Variants in CHRDL1 observed in about 807,000 individuals in gnomAD.
The protein encoded by CHRDL1 is chordin-like protein 1.
In CHRDL1, 19 loss-of-function variants were observed where a neutral mutation model predicts 40.9. The ratio of observed to expected loss-of-function variants is 0.46; its 90% CI spans 0.32 to 0.68. The LOEUF (loss-of-function observed/expected upper bound fraction) is 0.68, where lower values mean the gene tolerates loss of function less well. CHRDL1 is among the 30% of genes least tolerant of loss of function. The probability of loss-of-function intolerance (pLI) is 0.03; values close to 1 mark genes in which losing one functional copy is unlikely to be tolerated. For missense variants in CHRDL1, 329 were observed against 352.1 expected (o/e 0.93, Z 0.53); for synonymous variants, 136 against 123.4 (o/e 1.10, Z -0.68).
intron 4 of CHRDL1, among the ~76,000 whole-genome samples, chrX:110,746,467 T>C (rs1318814849): frequency 8.9e-6 from 1 of 111,895 alleles, no homozygotes; most frequent in African/African-American, 3.3e-5. Flanking sequence ...CACTACCTTA[T>C]GTTTCTGTTA....
At position 110,694,244 on chromosome X, in the gene CHRDL1, G is replaced by A. The variant is rs765757313; in HGVS notation, c.697C>T (p.Arg233Trp). ...LSRFPGARSH[R>W]GALMDSQQAS... is the part of the protein sequence containing the mutation. ...TGCTGGGAATCCATAAGAGCTCCCC[G>A]GTGACTTCTGGCCCCAGGAAAGCGG... Residue 233 changes from arginine to tryptophan, a missense_variant, in exon 8 of 12, where the codon CGG becomes TGG. Arg to Trp is a moderately radical substitution (Grantham distance 101, BLOSUM62 -3). Coordinates refer to ENST00000372042, the MANE Select transcript of CHRDL1 (RefSeq NM_001143981.2). 1.2e-5 allele frequency: 14 copies of A among 1,206,674 alleles called. No individual in the cohort carries two copies. In the South Asian group the frequency reaches 1.6e-4, roughly 14 times the overall value.
chrX:110,677,229 T>C (rs1360906535), intron 11 of CHRDL1, among the ~76,000 whole-genome samples: 2 of 111,180 alleles, frequency 1.8e-5, no homozygotes, highest in Non-Finnish European at 3.8e-5. Context: ...TCTGCTCCTT[T>C]CTCCCTTGGA....
intron 1 of CHRDL1, among the ~76,000 whole-genome samples, chrX:110,793,583 G>GA (rs1163621635): frequency 1.8e-5 from 2 of 111,654 alleles, no homozygotes; most frequent in Non-Finnish European, 3.8e-5. Context: ...ACGTTTATTC[G>GA]AAACAAATCA....
Position 110,697,521 on chromosome X carries a change from A to G in CHRDL1, c.609+3133T>C, listed in dbSNP as rs924484811. On this transcript the variant is annotated intron_variant, in intron 7 of 11. Coordinates refer to ENST00000372042, the MANE Select transcript of CHRDL1 (RefSeq NM_001143981.2). ...ATATATTCTAATCCATACAGCCATT[A>G]AAACATTGTATCTTAATCACTACCA... Among the ~76,000 whole-genome samples the G allele has an allele frequency of 5.4e-5, 6 of 110,869 alleles. No individual in the cohort carries two copies. In the East Asian group the frequency reaches 1.7e-3, roughly 31 times the overall value.
At chrX:110,689,464 A>ATC (rs2070121758) in intron 8 of CHRDL1, among the ~76,000 whole-genome samples, 1 of 52,287 alleles carries the variant, frequency 1.9e-5, no homozygotes, top group African/African-American at 2.6e-4. Flanking sequence ...ATATCTATAT[A>ATC]TATCTATATA....
At chrX:110,691,307 A>T (rs753900634) in intron 8 of CHRDL1, among the ~76,000 whole-genome samples, 2 of 107,465 alleles carry the variant, frequency 1.9e-5, no homozygotes, top group Non-Finnish European at 1.9e-5. Context: ...TTTCTATGCA[A>T]ATCAACACCA....
chrX:110,770,621 A>G (rs956979746), intron 2 of CHRDL1, among the ~76,000 whole-genome samples: 1 of 111,633 alleles, frequency 9.0e-6, no homozygotes, highest in African/African-American at 3.3e-5. Flanking sequence ...AATAAAATTG[A>G]TAAACCCCTA....
intron 6 of CHRDL1, among the ~76,000 whole-genome samples, chrX:110,705,090 T>C (rs986173201): frequency 3.8e-4 from 41 of 108,595 alleles, no homozygotes; most frequent in South Asian, 8.1e-4. Flanking sequence ...TAGAAGCACA[T>C]AGCGCCTCTT....
At chrX:110,680,964 T>C (rs762137215) in intron 10 of CHRDL1, among the ~76,000 whole-genome samples, 3 of 112,196 alleles carry the variant, frequency 2.7e-5, no homozygotes, top group African/African-American at 3.2e-5. Context: ...CATCGTGATA[T>C]TAGGGACTTA....
intron 2 of CHRDL1, among the ~76,000 whole-genome samples, chrX:110,778,196 A>G (rs2148526987): frequency 8.9e-6 from 1 of 111,966 alleles, no homozygotes; most frequent in African/African-American, 3.2e-5. Flanking sequence ...AGGAACTGGC[A>G]AAGATTTCAT....
chrX:110,753,385 CAG>C (rs2089395932), intron 4 of CHRDL1, among the ~76,000 whole-genome samples: 1 of 111,568 alleles, frequency 9.0e-6, no homozygotes, highest in Admixed American at 9.5e-5. Flanking sequence ...TCATGGTTAC[CAG>C]GGGCTAGGGG....
At chrX:110,756,475 T>C (rs2089454210) in intron 4 of CHRDL1, among the ~76,000 whole-genome samples, 1 of 110,544 alleles carries the variant, frequency 9.0e-6, no homozygotes, top group African/African-American at 3.3e-5. Context: ...AAAACACTGA[T>C]TGTCCAAGTT....
intron 4 of CHRDL1, among the ~76,000 whole-genome samples, chrX:110,746,825 T>A (rs1366360900): frequency 8.9e-6 from 1 of 111,852 alleles, no homozygotes; most frequent in African/African-American, 3.3e-5. Context: ...TCATTGCTGA[T>A]CACTGCCTTG....
At chrX:110,692,397 T>C (rs1033073771) in intron 8 of CHRDL1, among the ~76,000 whole-genome samples, 2 of 111,724 alleles carry the variant, frequency 1.8e-5, no homozygotes, top group African/African-American at 6.5e-5. Flanking sequence ...AACTGTTGCA[T>C]CCAAATCAGT....
intron 2 of CHRDL1, among the ~76,000 whole-genome samples, chrX:110,787,743 A>G (rs1294241475): frequency 8.9e-6 from 1 of 112,555 alleles, no homozygotes; most frequent in Non-Finnish European, 1.9e-5. Context: ...TCTCTTGAGG[A>G]GAAAAATAAG....
chrX:110,736,874 C>A (rs2071272999), intron 4 of CHRDL1, among the ~76,000 whole-genome samples: 1 of 111,732 alleles, frequency 8.9e-6, no homozygotes. Context: ...TTCATTAGTT[C>A]TTTTCTCCCT....
intron 4 of CHRDL1, among the ~76,000 whole-genome samples, chrX:110,756,447 C>T (rs907470134): frequency 3.6e-5 from 4 of 110,988 alleles, no homozygotes; most frequent in African/African-American, 1.3e-4. Context: ...ATAGCTCTCC[C>T]CACTCAGTGT....
At chrX:110,689,078 A>G (rs1244402589) in intron 8 of CHRDL1, among the ~76,000 whole-genome samples, 15 of 18,919 alleles carry the variant, frequency 7.9e-4, no homozygotes, top group African/African-American at 4.1e-3. Flanking sequence ...ATATGTATAT[A>G]TATATATATA....
At chrX:110,768,209 A>G (rs184656769) in intron 2 of CHRDL1, among the ~76,000 whole-genome samples, 37 of 112,350 alleles carry the variant, frequency 3.3e-4, no homozygotes, top group Non-Finnish European at 1.3e-4. Flanking sequence ...TTGCCTACAC[A>G]TGTTAACATC....
Sources: gnomAD v4.1 joint callset for allele counts (sites outside exome capture counted in the v4.1 genomes callset) on GRCh38, gnomAD v4.1.1 for gene constraint, MANE v1.5 for transcripts, NCBI Gene and HGNC (gene_info 2026-07-23, HGNC 2026-07-21) for gene names.